Variants in ZNF407 observed in about 807,000 individuals in gnomAD.
The protein encoded by ZNF407 is zinc finger protein 407.
ZNF407 carries 17 observed loss-of-function variants against 131.2 expected under a neutral mutation model. The ratio of observed to expected loss-of-function variants is 0.13; its 90% CI spans 0.09 to 0.19. The LOEUF (loss-of-function observed/expected upper bound fraction) is 0.19, where lower values mean the gene tolerates loss of function less well. ZNF407 is among the 10% of genes least tolerant of loss of function. The pLI, the probability that ZNF407 is intolerant of heterozygous loss-of-function variation, is 1.00. For missense variants in ZNF407, 2,681 were observed against 2,830.6 expected (o/e 0.95, Z 1.20); for synonymous variants, 1,156 against 1,062.0 (o/e 1.09, Z -1.72).
At chr18:74,661,978 G>A (rs777158370) in intron 3 of ZNF407, among the ~76,000 whole-genome samples, 2 of 151,460 alleles carry the variant, frequency 1.3e-5, no homozygotes, top group Non-Finnish European at 2.9e-5. Context: ...GGACATTCGC[G>A]TGCACTCTGA....
intron 8 of ZNF407, among the ~76,000 whole-genome samples, chr18:75,010,216 CCT>C (rs780415175): frequency 3.3e-5 from 5 of 152,152 alleles, no homozygotes; most frequent in African/African-American, 9.7e-5. Context: ...CATATTTCCC[CCT>C]GTCTACATGA....
chr18:74,852,176 C>T (rs1319994237), intron 4 of ZNF407, among the ~76,000 whole-genome samples: 1 of 109,142 alleles, frequency 9.2e-6, no homozygotes, highest in Non-Finnish European at 2.0e-5. Flanking sequence ...CACACACACA[C>T]ACACACACAC....
chr18:74,763,889 A>G (rs1310584825), intron 3 of ZNF407, among the ~76,000 whole-genome samples: 1 of 148,504 alleles, frequency 6.7e-6, no homozygotes, highest in Admixed American at 6.7e-5. Context: ...TTTTTTTTGT[A>G]TTTTTAGTAG....
intron 8 of ZNF407, among the ~76,000 whole-genome samples, chr18:75,050,600 G>A (rs1009217178): frequency 3.9e-5 from 6 of 152,202 alleles, no homozygotes; most frequent in South Asian, 4.1e-4. Flanking sequence ...GGCAATGAAC[G>A]CAGAATTCAG....
intron 8 of ZNF407, among the ~76,000 whole-genome samples, chr18:74,950,105 A>C (rs1041069132): frequency 6.6e-6 from 1 of 152,168 alleles, no homozygotes; most frequent in Non-Finnish European, 1.5e-5. Flanking sequence ...TGCCAGCTGC[A>C]TACAGCAGGC....
intron 7 of ZNF407, among the ~76,000 whole-genome samples, chr18:74,902,881 A>C: frequency 6.6e-6 from 1 of 152,280 alleles, no homozygotes; most frequent in South Asian, 2.1e-4. Flanking sequence ...GCTCCCAAAA[A>C]ATGAACTCTC....
intron 8 of ZNF407, among the ~76,000 whole-genome samples, chr18:74,969,371 G>A (rs566713036): frequency 1.3e-5 from 2 of 152,284 alleles, no homozygotes; most frequent in South Asian, 4.1e-4. Context: ...TCATGAGACT[G>A]TAGGTCATAT....
chr18:74,921,112 T>C (rs529505677), intron 8 of ZNF407: 1 of 748,384 alleles, frequency 1.3e-6, no homozygotes, highest in Admixed American at 6.2e-5. Context: ...CTAGAAAGAA[T>C]GTGACCTGCG....
At chr18:74,695,224 G>A (rs1054757718) in intron 3 of ZNF407, among the ~76,000 whole-genome samples, 3 of 152,160 alleles carry the variant, frequency 2.0e-5, no homozygotes, top group Non-Finnish European at 2.9e-5. Context: ...AAAAAAATAA[G>A]TATCAATATA....
intron 3 of ZNF407, among the ~76,000 whole-genome samples, chr18:74,658,978 A>G (rs1278549803): frequency 6.6e-6 from 1 of 152,170 alleles, no homozygotes; most frequent in Non-Finnish European, 1.5e-5. Flanking sequence ...TTGTATACAC[A>G]TGGTGTGTTT....
At chr18:74,996,559 T>C (rs1244135815) in intron 8 of ZNF407, among the ~76,000 whole-genome samples, 7 of 152,236 alleles carry the variant, frequency 4.6e-5, no homozygotes, top group African/African-American at 1.4e-4. Flanking sequence ...TTATTCAACC[T>C]TTGTGCACAG....
intron 3 of ZNF407, among the ~76,000 whole-genome samples, chr18:74,774,388 A>G (rs1969424780): frequency 6.6e-6 from 1 of 152,224 alleles, no homozygotes; most frequent in Admixed American, 6.5e-5. Flanking sequence ...CACAATATCA[A>G]AATATCACCT....
At chr18:74,684,509 G>A (rs1028343912) in intron 3 of ZNF407, among the ~76,000 whole-genome samples, 5 of 152,098 alleles carry the variant, frequency 3.3e-5, no homozygotes, top group Non-Finnish European at 1.5e-5. Context: ...CAAACGCACC[G>A]AGTCACGTTC....
At chr18:75,035,151 G>A (rs941600828) in intron 8 of ZNF407, among the ~76,000 whole-genome samples, 2 of 152,176 alleles carry the variant, frequency 1.3e-5, no homozygotes, top group Non-Finnish European at 2.9e-5. Context: ...TGAGCACACC[G>A]TTTTGGCTGA....
chr18:74,653,872 A>T (rs1568148272), intron 3 of ZNF407, among the ~76,000 whole-genome samples: 1 of 151,860 alleles, frequency 6.6e-6, no homozygotes, highest in African/African-American at 2.4e-5. Context: ...GAAAAAAATG[A>T]ATTGACATTG....
At chr18:74,658,398 G>T (rs1432551291) in intron 3 of ZNF407, among the ~76,000 whole-genome samples, 1 of 152,144 alleles carries the variant, frequency 6.6e-6, no homozygotes, top group Non-Finnish European at 1.5e-5. Context: ...TTACAGGTGT[G>T]TGCCACCGCG....
intron 8 of ZNF407, among the ~76,000 whole-genome samples, chr18:75,001,372 T>A (rs1431138963): frequency 6.6e-6 from 1 of 152,224 alleles, no homozygotes; most frequent in Non-Finnish European, 1.5e-5. Context: ...AGCCAGAAAG[T>A]TATATGATAA....
In ZNF407 at chr18:74,635,681, C is replaced by T. The variant is rs797046128; in HGVS notation, c.4662C>T (p.Phe1554=). 2.5e-6 allele frequency: 4 copies of T among 1,598,476 alleles called. No individual in the cohort carries two copies. Among genetic ancestry groups the T allele is most frequent in the Non-Finnish European group, 3.4e-6 (4 of 1,171,676 alleles). The part of the protein sequence containing the change: ...KMCRSSNSMA[F]LAHIRTHTGS... ...GTCGAAGCAGCAACTCGATGGCCTT[C>T]CTGGCACACATTCGCACTCACACAG... Residue 1554 remains phenylalanine, a synonymous_variant, in exon 2 of 9, where the codon TTC becomes TTT. Coordinates refer to ENST00000299687, the MANE Select transcript of ZNF407 (RefSeq NM_017757.3). This position sits in a 1 kb window ranked among gnomAD's most constrained non-coding sequence, Gnocchi z 4.7.
intron 3 of ZNF407, among the ~76,000 whole-genome samples, chr18:74,759,185 G>GT (rs1457917435): frequency 2.0e-5 from 3 of 151,980 alleles, no homozygotes; most frequent in African/African-American, 7.3e-5. Flanking sequence ...GACTTGCATA[G>GT]TTTGTGTGGA....
Sources: gnomAD v4.1 joint callset for allele counts (sites outside exome capture counted in the v4.1 genomes callset) on GRCh38, gnomAD v4.1.1 for gene constraint, Gnocchi (gnomAD v3.1) non-coding constraint, MANE v1.5 for transcripts, NCBI Gene and HGNC (gene_info 2026-07-23, HGNC 2026-07-21) for gene names.